TFEC: variants seen among roughly 807,000 people sequenced by gnomAD.
The protein encoded by TFEC is class E basic helix-loop-helix protein 34.
In TFEC, 31 loss-of-function variants were observed where a neutral mutation model predicts 41.6. The ratio of observed to expected loss-of-function variants is 0.74; its 90% CI spans 0.56 to 1.01. The LOEUF is 1.01. TFEC is among the 50% of genes least tolerant of loss of function. The probability of loss-of-function intolerance (pLI) is 0.00; values close to 1 mark genes in which losing one functional copy is unlikely to be tolerated. For synonymous variants in TFEC, 143 were observed against 140.6 expected, an observed-to-expected ratio of 1.02 and a Z score of -0.12; for missense variants, 402 against 404.1, an observed-to-expected ratio of 0.99 and a Z score of 0.04.
At chr7:115,999,239 A>G (rs1013363912) in intron 1 of TFEC, among the ~76,000 whole-genome samples, 2 of 152,088 alleles carry the variant, frequency 1.3e-5, no homozygotes, top group African/African-American at 4.8e-5. Context: ...CTCCTGAATG[A>G]CCAGTGGGCA....
At chr7:116,129,760 A>G (rs1361994942) in intron 1 of TFEC, among the ~76,000 whole-genome samples, 1 of 151,686 alleles carries the variant, frequency 6.6e-6, no homozygotes, top group African/African-American at 2.4e-5. Context: ...CCTGGCCAAC[A>G]TGGTGAAACC....
chr7:116,046,262 G>C (rs1796161160), intron 3 of TFEC, among the ~76,000 whole-genome samples: 1 of 152,100 alleles, frequency 6.6e-6, no homozygotes, highest in Non-Finnish European at 1.5e-5. Flanking sequence ...GTTTGGCTGT[G>C]TCCCCACCCA....
chr7:116,150,202 A>G (rs1029944949), intron 1 of TFEC, among the ~76,000 whole-genome samples: 6 of 152,152 alleles, frequency 3.9e-5, no homozygotes, highest in African/African-American at 1.4e-4. Flanking sequence ...TAGTTTTACT[A>G]CTAGTCTTGT....
chr7:116,072,536 A>G (rs1356645192), intron 3 of TFEC, among the ~76,000 whole-genome samples: 1 of 151,738 alleles, frequency 6.6e-6, no homozygotes, highest in Non-Finnish European at 1.5e-5. Flanking sequence ...ACAAGTATTC[A>G]GCTAAAGTAT....
chr7:116,070,276 A>C (rs1398332612), intron 3 of TFEC, among the ~76,000 whole-genome samples: 1 of 151,542 alleles, frequency 6.6e-6, no homozygotes, highest in East Asian at 1.9e-4. Flanking sequence ...TAAAATATCA[A>C]GTATATTCAT....
intron 3 of TFEC, among the ~76,000 whole-genome samples, chr7:116,074,609 AT>A (rs1409118473): frequency 1.3e-5 from 2 of 152,126 alleles, no homozygotes; most frequent in Admixed American, 1.3e-4. Flanking sequence ...AATAATAATA[AT>A]TTTTGGTGAG....
At chr7:116,085,433 T>C (rs538257918) in intron 3 of TFEC, among the ~76,000 whole-genome samples, 1 of 151,924 alleles carries the variant, frequency 6.6e-6, no homozygotes, top group East Asian at 1.9e-4. Flanking sequence ...AGAGAGTTCT[T>C]TGCACATACC....
intron 1 of TFEC, among the ~76,000 whole-genome samples, chr7:116,132,744 C>T (rs1458530922): frequency 6.6e-6 from 1 of 152,214 alleles, no homozygotes; most frequent in African/African-American, 2.4e-5. Context: ...AACTATAGAA[C>T]ATTCTTTGAG....
intron 7 of TFEC, 23 bp downstream of exon 7, chr7:115,941,870 C>T: frequency 6.2e-7 from 1 of 1,612,040 alleles, no homozygotes; most frequent in South Asian, 1.1e-5. Flanking sequence ...CTATGTGACT[C>T]ATGGCTACAT....
intron 3 of TFEC, among the ~76,000 whole-genome samples, chr7:115,973,222 A>G (rs1157665888): frequency 6.6e-6 from 1 of 151,944 alleles, no homozygotes; most frequent in Non-Finnish European, 1.5e-5. Flanking sequence ...GGAGAAAGAG[A>G]CACTTCTCTC....
Position 115,953,141 on chromosome 7 carries a change from T to C in TFEC, c.439+1445A>G, listed in dbSNP as rs1270086672. Reference sequence around the variant, plus strand: ...TCACCGTCACATTTGAGGCCACTTGTAGCACAGAATGGAATAGGGGGTGCA... The same window carrying C: ...TCACCGTCACATTTGAGGCCACTTGCAGCACAGAATGGAATAGGGGGTGCA... On this transcript the variant is annotated intron_variant, in intron 5 of 7. Transcript: ENST00000265440. Among the ~76,000 whole-genome samples, 4 of 151,848 alleles carry C rather than the reference T, an allele frequency of 2.6e-5. No individual in the cohort carries two copies. The East Asian group carries it at 7.8e-4, about 30-fold the overall frequency.
chr7:116,004,442 C>T (rs1794712486), intron 1 of TFEC, among the ~76,000 whole-genome samples: 2 of 152,124 alleles, frequency 1.3e-5, no homozygotes, highest in Admixed American at 6.6e-5. Flanking sequence ...CTAATGTAAA[C>T]TATGGTCTTT....
intron 1 of TFEC, among the ~76,000 whole-genome samples, chr7:116,001,092 T>C (rs1794576643): frequency 6.6e-6 from 1 of 151,984 alleles, no homozygotes; most frequent in Admixed American, 6.6e-5. Flanking sequence ...AAAACAGCAT[T>C]GTACTGACAC....
chr7:116,077,513 C>T (rs1029645829), intron 3 of TFEC, among the ~76,000 whole-genome samples: 4 of 152,054 alleles, frequency 2.6e-5, no homozygotes, highest in Non-Finnish European at 5.9e-5. Flanking sequence ...AACCAAGTTT[C>T]TGCTTTCTTC....
chr7:116,032,874 A>C (rs1157872286), upstream of TFEC, among the ~76,000 whole-genome samples: 2 of 152,150 alleles, frequency 1.3e-5, no homozygotes, highest in Admixed American at 1.3e-4. Flanking sequence ...TGTCGTTTCT[A>C]ATAAAATATA....
Position 115,936,805 on chromosome 7 carries a change from T to TG in TFEC, c.*3745dup, listed in dbSNP as rs1361456875. 1.3e-5 allele frequency: 2 copies of TG among 151,612 alleles called. No homozygotes were observed. The highest frequency in any genetic ancestry group is 4.8e-5 in the African/African-American group (2 of 41,464). The allele number at this position is 151,612 out of a possible 1,614,324, so 9.4% of individuals were successfully genotyped here. A position where few individuals can be genotyped will look rare whatever the true frequency, so the allele number is the denominator to read the frequency against. ...AATATTTGATTTACAGTCATGTAGG[T>TG]GGGAAAAAAATGAGTTGAAAAAGGA... On this transcript the variant is annotated 3_prime_UTR_variant, in exon 8 of 8. Coordinates refer to ENST00000265440, the MANE Select transcript of TFEC (RefSeq NM_012252.4).
intron 3 of TFEC, among the ~76,000 whole-genome samples, chr7:116,047,503 A>T (rs1796197885): frequency 6.6e-6 from 1 of 152,072 alleles, no homozygotes; most frequent in African/African-American, 2.4e-5. Flanking sequence ...AGTGGTCTGG[A>T]AACTAAAACT....
rs891572312 is a variant in TFEC at position 116,000,678 on chromosome 7, C to T, written c.-72-16165G>A. The stretch of plus-strand genomic sequence containing the variant: ...ACAGTGAACGATCTGAAAAAGAAAT[C>T]AAGAAAGTAATCCCATTTGCAATAG... On this transcript the variant is annotated intron_variant, in intron 1 of 7. Transcript: ENST00000265440. Among the ~76,000 whole-genome samples the T allele has an allele frequency of 3.9e-5, 6 of 151,930 alleles. No homozygotes were observed. In the East Asian group the frequency reaches 1.2e-3, roughly 29 times the overall value.
At chr7:116,103,049 T>C (rs1033474265) in intron 3 of TFEC, among the ~76,000 whole-genome samples, 10 of 152,126 alleles carry the variant, frequency 6.6e-5, no homozygotes, top group Admixed American at 1.3e-4. Flanking sequence ...GGTGAGATAA[T>C]AGTGTGCTAT....
Sources: allele counts gnomAD v4.1 joint callset (sites outside exome capture counted in the v4.1 genomes callset), GRCh38; gene constraint gnomAD v4.1.1; transcripts MANE v1.5; gene names NCBI Gene and HGNC (gene_info 2026-07-23, HGNC 2026-07-21).